SPNS2: variants seen among roughly 807,000 people sequenced by gnomAD.
SPNS2 encodes the protein sphingosine-1-phosphate transporter SPNS2.
SPNS2 carries 37 observed loss-of-function variants against 57.6 expected under a neutral mutation model. The ratio of observed to expected loss-of-function variants is 0.64; its 90% CI spans 0.49 to 0.85. The LOEUF (loss-of-function observed/expected upper bound fraction) is 0.85. SPNS2 is among the 40% of genes least tolerant of loss of function. SPNS2 has a pLI of 0.00. For synonymous variants in SPNS2, 440 were observed against 346.9 expected, an observed-to-expected ratio of 1.27 and a Z score of -2.98; for missense variants, 831 against 779.1, an observed-to-expected ratio of 1.07 and a Z score of -0.79.
intron 9 of SPNS2, 125 bp downstream of exon 9, chr17:4,533,978 T>C: frequency 1.1e-6 from 1 of 930,740 alleles, no homozygotes; most frequent in East Asian, 2.6e-5. Context: ...GCCAGGAACG[T>C]GAACCCAGAG....
intron 2 of SPNS2, among the ~76,000 whole-genome samples, chr17:4,518,404 A>G (rs540060551): frequency 2.0e-5 from 3 of 152,326 alleles, no homozygotes; most frequent in African/African-American, 7.2e-5. Flanking sequence ...GGTGCCTGTA[A>G]TCCCGCTACT....
Position 4,512,379 on chromosome 17 carries a change from G to T in SPNS2, c.371-868G>T, listed in dbSNP as rs541573618. On this transcript the variant is annotated intron_variant, in intron 1 of 12. Coordinates refer to ENST00000329078, the MANE Select transcript of SPNS2 (RefSeq NM_001124758.3). This position sits in a 1 kb window ranked among gnomAD's most constrained non-coding sequence, Gnocchi z 5.2. ...CGAGGGGTAGGAGGTCCAAGATCCT[G>T]CCTGTCCCCCAGAAGCCATGGCTCT... is the stretch of plus-strand genomic sequence containing the variant. Among the ~76,000 whole-genome samples, 8 of 152,162 alleles carry T rather than the reference G, an allele frequency of 5.3e-5. No individual in the cohort carries two copies. The highest frequency in any genetic ancestry group is 1.2e-4 in the Non-Finnish European group (8 of 67,994).
intron 1 of SPNS2, among the ~76,000 whole-genome samples, chr17:4,502,192 A>G (rs1430733610): frequency 1.4e-5 from 2 of 145,060 alleles, no homozygotes; most frequent in South Asian, 2.4e-4. Context: ...CCTGGTCAAC[A>G]TGGTGAAACC....
At chr17:4,506,693 C>G (rs564539646) in intron 1 of SPNS2, among the ~76,000 whole-genome samples, 1 of 151,998 alleles carries the variant, frequency 6.6e-6, no homozygotes, top group East Asian at 1.9e-4. Context: ...GGGCAGGACT[C>G]GTGGGTGGGG....
At chr17:4,509,354 G>A (rs1307947510) in intron 1 of SPNS2, among the ~76,000 whole-genome samples, 1 of 152,242 alleles carries the variant, frequency 6.6e-6, no homozygotes, top group Non-Finnish European at 1.5e-5. Flanking sequence ...GCAGGAGGAT[G>A]GCTGGAGCCC....
In SPNS2 at chr17:4,535,354, G is replaced by A. The variant is rs557095829; in HGVS notation, c.1345-722G>A. Among the ~76,000 whole-genome samples, 87 of 152,316 alleles carry A rather than the reference G, an allele frequency of 5.7e-4. 1 individual carries two copies. Among genetic ancestry groups the A allele is most frequent in the Admixed American group, 2.5e-3 (39 of 15,304 alleles). On this transcript the variant is annotated intron_variant, in intron 9 of 12. Transcript: ENST00000329078. ...GCCTGCCTCACCAGCTCCTGTCCCA[G>A]GCCAGTCGAGGCCTGGCTTGGTCCT...
At position 4,533,773 on chromosome 17, in the gene SPNS2, C is replaced by T. The variant is rs778354217; in HGVS notation, c.1279-15C>T. ...GGAGGGACCGCTGATGGTGGCTTTG[C>T]CTTCTCCCCGGCAGATCTGTATCTT... is the stretch of plus-strand genomic sequence containing the variant. On this transcript the variant is annotated splice_polypyrimidine_tract_variant and intron_variant, in intron 8 of 12. Transcript: ENST00000329078. 18 of 1,613,546 alleles carry T rather than the reference C, an allele frequency of 1.1e-5. No homozygotes were observed. The highest frequency in any genetic ancestry group is 3.3e-5 in the Admixed American group (2 of 60,018).
rs370379631 is a variant in SPNS2 at position 4,538,868 on chromosome 17, G to C, written c.*1420G>C. The C allele has an allele frequency of 1.3e-6, 1 of 780,924 alleles. No individual in the cohort carries two copies. The highest frequency in any genetic ancestry group is 1.3e-5 in the South Asian group (1 of 74,582). The allele number at this position is 780,924 out of a possible 1,614,324, so 48.4% of individuals were successfully genotyped here. On this transcript the variant is annotated 3_prime_UTR_variant, in exon 13 of 13. Coordinates refer to ENST00000329078, the MANE Select transcript of SPNS2 (RefSeq NM_001124758.3). ...ACTCCAGCCTCAGCGGGGCCCCAGC[G>C]ATGTTTTCTTGTTGTACAAGAACCA...
At chr17:4,535,012 C>T (rs1356325878) in intron 9 of SPNS2, among the ~76,000 whole-genome samples, 6 of 152,310 alleles carry the variant, frequency 3.9e-5, no homozygotes, top group Middle Eastern at 6.8e-3. Context: ...CTTTTCCACC[C>T]GCCCCCCACC....
chr17:4,530,153 G>GC (rs796748797), intron 3 of SPNS2, among the ~76,000 whole-genome samples: 1 of 151,856 alleles, frequency 6.6e-6, no homozygotes, highest in African/African-American at 2.4e-5. Context: ...CCCTGCCAAC[G>GC]CCCCACTCCC....
Position 4,518,599 on chromosome 17 carries a change from G to A in SPNS2, c.436+5287G>A, listed in dbSNP as rs546924778. On this transcript the variant is annotated intron_variant, in intron 2 of 12. Transcript: ENST00000329078. Reference sequence around the variant, plus strand: ...CATTCTGGGACCAAGTGTGGGAAGGGGCAGCAGAGGAAGCTGAAGGCTACT... The same window carrying A: ...CATTCTGGGACCAAGTGTGGGAAGGAGCAGCAGAGGAAGCTGAAGGCTACT... Among the ~76,000 whole-genome samples the A allele has an allele frequency of 2.3e-4, 35 of 152,358 alleles. No homozygotes were observed. The South Asian group carries it at 6.8e-3, about 30-fold the overall frequency.
chr17:4,531,251 C>G, intron 5 of SPNS2, 132 bp downstream of exon 5: 3 of 794,972 alleles, frequency 3.8e-6, no homozygotes, highest in Non-Finnish European at 6.2e-6. Flanking sequence ...CTCTGAAATC[C>G]CTGCCCTTCC....
At chr17:4,536,627 T>G (rs1189861992) in intron 11 of SPNS2, 1 of 720,716 alleles carries the variant, frequency 1.4e-6, no homozygotes, top group East Asian at 2.7e-5. Context: ...GGGTGTCTGG[T>G]GGATCCAGAC....
At chr17:4,503,303 G>A (rs1904583646) in intron 1 of SPNS2, among the ~76,000 whole-genome samples, 1 of 152,222 alleles carries the variant, frequency 6.6e-6, no homozygotes, top group African/African-American at 2.4e-5. Context: ...TTGGGTAGAT[G>A]AATTTCAGTT....
In SPNS2 at chr17:4,512,772, G is replaced by A. The variant is rs1904874107; in HGVS notation, c.371-475G>A. Among the ~76,000 whole-genome samples the A allele has an allele frequency of 6.6e-6, 1 of 152,156 alleles. No homozygotes were observed. The highest frequency in any genetic ancestry group is 2.4e-5 in the African/African-American group (1 of 41,428). ...CAGGTGTGTGCGTGTGTGTGCGAAT[G>A]TGGTTGTGCACATGTGCAGGTGAAC... On this transcript the variant is annotated intron_variant, in intron 1 of 12. Coordinates refer to ENST00000329078, the MANE Select transcript of SPNS2 (RefSeq NM_001124758.3). The surrounding 1 kb of genome is among the most constrained non-coding windows in gnomAD (Gnocchi z 5.2).
chr17:4,515,700 G>T (rs892548583), intron 2 of SPNS2, among the ~76,000 whole-genome samples: 3 of 152,236 alleles, frequency 2.0e-5, no homozygotes, highest in Non-Finnish European at 2.9e-5. Flanking sequence ...CCCCAAGCCC[G>T]ATAAGGTCGG....
At chr17:4,503,918 C>T (rs1904601415) in intron 1 of SPNS2, among the ~76,000 whole-genome samples, 1 of 151,856 alleles carries the variant, frequency 6.6e-6, no homozygotes, top group African/African-American at 2.4e-5. Context: ...TGGGGGCTTC[C>T]CCAGAGCAGC....
At chr17:4,519,133 G>A (rs974841946) in intron 2 of SPNS2, among the ~76,000 whole-genome samples, 1 of 152,150 alleles carries the variant, frequency 6.6e-6, no homozygotes, top group African/African-American at 2.4e-5. Context: ...CCCACAGGAT[G>A]TGGAGGATGG....
intron 2 of SPNS2, among the ~76,000 whole-genome samples, chr17:4,521,338 C>T (rs1905133100): frequency 6.6e-6 from 1 of 152,226 alleles, no homozygotes; most frequent in Non-Finnish European, 1.5e-5. Flanking sequence ...CTGATCTGAT[C>T]TCAGGCAGGT....
Sources: gnomAD v4.1 joint callset for allele counts (sites outside exome capture counted in the v4.1 genomes callset) on GRCh38, gnomAD v4.1.1 for gene constraint, Gnocchi (gnomAD v3.1) non-coding constraint, MANE v1.5 for transcripts, NCBI Gene and HGNC (gene_info 2026-07-23, HGNC 2026-07-21) for gene names.